Variants in FRMPD4 observed in about 807,000 individuals in gnomAD.
FRMPD4 encodes FERM and PDZ domain-containing protein 4.
Under a neutral mutation model 94.1 loss-of-function variants are expected in FRMPD4, and 22 were observed. That is an observed-to-expected ratio of 0.23 (90% CI 0.17 to 0.33). The LOEUF (loss-of-function observed/expected upper bound fraction) is 0.33, where lower values mean the gene tolerates loss of function less well. FRMPD4 is among the 10% of genes least tolerant of loss of function. The pLI is 1.00. For synonymous variants in FRMPD4, 631 were observed against 548.6 expected (o/e 1.15, Z -2.10); for missense variants, 1,111 against 1,339.9 (o/e 0.83, Z 2.67).
intron 1 of FRMPD4, among the ~76,000 whole-genome samples, chrX:12,482,874 A>T (rs990380511): frequency 1.8e-5 from 2 of 112,093 alleles, no homozygotes; most frequent in African/African-American, 6.5e-5. Context: ...CCACATTTCC[A>T]GTGTTCAGTA....
intron 2 of FRMPD4, among the ~76,000 whole-genome samples, chrX:12,584,187 C>T (rs768745982): frequency 8.9e-6 from 1 of 112,476 alleles, no homozygotes; most frequent in Non-Finnish European, 1.9e-5. Flanking sequence ...GGGCCAAAAC[C>T]GGTCCAGCCT....
intron 1 of FRMPD4, among the ~76,000 whole-genome samples, chrX:12,409,353 A>G (rs958827358): frequency 9.0e-6 from 1 of 111,597 alleles, no homozygotes; most frequent in African/African-American, 3.3e-5. Context: ...ATGGTGCTGC[A>G]GTTTTCATTT....
chrX:12,307,214 G>C (rs2147900322), intron 1 of FRMPD4, among the ~76,000 whole-genome samples: 1 of 112,263 alleles, frequency 8.9e-6, no homozygotes, highest in East Asian at 2.8e-4. Flanking sequence ...CATAACAGGA[G>C]TTATGCTGTG....
At chrX:12,192,740 TAGTG>T (rs1305392484) in intron 1 of FRMPD4, among the ~76,000 whole-genome samples, 2 of 111,191 alleles carry the variant, frequency 1.8e-5, no homozygotes. Context: ...ATAATCAAAT[TAGTG>T]AGCCCCACCC....
At chrX:12,022,992 T>C (rs922900647) in intron 3 of FRMPD4, among the ~76,000 whole-genome samples, 11 of 111,335 alleles carry the variant, frequency 9.9e-5, no homozygotes, top group Admixed American at 6.7e-4. Context: ...AATGTTTGTG[T>C]TGTCCTGAAA....
intron 3 of FRMPD4, among the ~76,000 whole-genome samples, chrX:11,964,303 G>A (rs190243976): frequency 1.8e-5 from 2 of 110,218 alleles, no homozygotes; most frequent in East Asian, 2.9e-4. Context: ...GGGACTACAC[G>A]TGCCCGCCAC....
chrX:12,405,887 CTTTCA>C (rs2056660752), intron 1 of FRMPD4, among the ~76,000 whole-genome samples: 1 of 111,186 alleles, frequency 9.0e-6, no homozygotes, highest in African/African-American at 3.3e-5. Context: ...ACCACTGGTT[CTTTCA>C]TTTATTTATT....
chrX:11,882,869 G>A (rs1041498666), intron 3 of FRMPD4, among the ~76,000 whole-genome samples: 2 of 111,529 alleles, frequency 1.8e-5, no homozygotes, highest in African/African-American at 3.3e-5. Context: ...GGAGACTGGA[G>A]GGATGAGGTA....
chrX:12,277,346 A>T (rs1382229325), intron 1 of FRMPD4, among the ~76,000 whole-genome samples: 2 of 111,882 alleles, frequency 1.8e-5, no homozygotes, highest in Non-Finnish European at 3.8e-5. Flanking sequence ...TTGATATGGG[A>T]GCCCTCATAG....
chrX:11,978,206 C>G (rs1478473085), intron 3 of FRMPD4, among the ~76,000 whole-genome samples: 1 of 105,760 alleles, frequency 9.5e-6, no homozygotes, highest in Non-Finnish European at 1.9e-5. Flanking sequence ...CCTGTAATCC[C>G]AGCTACTCAG....
intron 3 of FRMPD4, among the ~76,000 whole-genome samples, chrX:12,018,890 A>G (rs1322430233): frequency 8.9e-6 from 1 of 112,027 alleles, no homozygotes; most frequent in Non-Finnish European, 1.9e-5. Flanking sequence ...TCAACTCATA[A>G]CACATGCACG....
chrX:12,332,894 T>C lies in FRMPD4; in HGVS notation c.42-165786T>C, dbSNP rs2055453655. 2.7e-5 allele frequency among the ~76,000 whole-genome samples: 3 copies of C among 111,975 alleles called. No individual in the cohort carries two copies. The Admixed American group carries it at 2.9e-4, about 11-fold the overall frequency. On this transcript the variant is annotated intron_variant, in intron 1 of 16. Coordinates refer to ENST00000675598, the MANE Select transcript of FRMPD4 (RefSeq NM_001368397.1). ...GCCCTTGTAGTCTGAAAGCAACATATGGACAGAGTAAATATAATCCCGATT... is the reference window on the plus strand; with the variant it reads ...GCCCTTGTAGTCTGAAAGCAACATACGGACAGAGTAAATATAATCCCGATT...
intron 1 of FRMPD4, among the ~76,000 whole-genome samples, chrX:12,272,727 A>C (rs987060489): frequency 3.6e-5 from 4 of 111,725 alleles, no homozygotes; most frequent in Non-Finnish European, 7.5e-5. Context: ...ACCATACCCA[A>C]GTTATTAAAA....
At chrX:12,135,624 C>T (rs180713388), upstream of FRMPD4, among the ~76,000 whole-genome samples, 2 of 108,804 alleles carry the variant, frequency 1.8e-5, no homozygotes, top group African/African-American at 6.7e-5. Context: ...CATTCATAAC[C>T]GTAGCGCACA....
intron 1 of FRMPD4, among the ~76,000 whole-genome samples, chrX:12,333,693 T>A (rs146610770): frequency 6.3e-5 from 7 of 111,849 alleles, no homozygotes; most frequent in African/African-American, 2.3e-4. Flanking sequence ...AGAATCATGA[T>A]CTTCCCTTGC....
chrX:11,824,840 T>C (rs758014666), intron 1 of FRMPD4, among the ~76,000 whole-genome samples: 4 of 110,241 alleles, frequency 3.6e-5, no homozygotes, highest in African/African-American at 1.3e-4. Context: ...TCCACAATAT[T>C]TTGTTGATGG....
At chrX:12,266,160 A>AAAAAAAG (rs1569211566) in intron 1 of FRMPD4, among the ~76,000 whole-genome samples, 20 of 103,788 alleles carry the variant, frequency 1.9e-4, no homozygotes, top group African/African-American at 7.5e-4. Context: ...AAAAAAAAAA[A>AAAAAAAG]AGAGAAAACA....
chrX:12,626,039 C>T (rs141341705), intron 4 of FRMPD4, among the ~76,000 whole-genome samples: 1,206 of 111,648 alleles, frequency 0.011, 7 homozygotes, highest in Non-Finnish European at 0.017. Context: ...CAAATTTAAT[C>T]CAAAGGCTGG....
rs58226288 is a variant in FRMPD4, at chrX:12,281,372, C to CT, written c.41+142373dup. Among the ~76,000 whole-genome samples the CT allele has an allele frequency of 3.4e-3, 346 of 103,052 alleles. 2 individuals are homozygous for CT. The highest frequency in any genetic ancestry group is 4.8e-3 in the Non-Finnish European group (242 of 49,960). 89.5% of individuals were successfully genotyped at this position (103,052 alleles called of 115,157 possible). ...TTAAGTCTTCATTTTTTAAAAAAGTCTTTTTTTTTTTTTCTTTTTTGAGAC... is the reference window on the plus strand; with the variant it reads ...TTAAGTCTTCATTTTTTAAAAAAGTCTTTTTTTTTTTTTTCTTTTTTGAGAC... On this transcript the variant is annotated intron_variant, in intron 1 of 16. Coordinates refer to ENST00000675598, the MANE Select transcript of FRMPD4 (RefSeq NM_001368397.1).
Sources: allele counts gnomAD v4.1 joint callset (sites outside exome capture counted in the v4.1 genomes callset), GRCh38; gene constraint gnomAD v4.1.1; transcripts MANE v1.5; gene names NCBI Gene and HGNC (gene_info 2026-07-23, HGNC 2026-07-21).